Variants in EPHA8 observed in about 807,000 individuals in gnomAD.
EPHA8 encodes the protein ephrin type-A receptor 8.
A neutral mutation model predicts 103.6 loss-of-function variants in EPHA8; 58 were observed. The ratio of observed to expected loss-of-function variants is 0.56; its 90% CI spans 0.45 to 0.70. EPHA8 has a LOEUF of 0.70. EPHA8 is among the 30% of genes least tolerant of loss of function. The pLI, the probability that EPHA8 is intolerant of heterozygous loss-of-function variation, is 0.00. For missense variants in EPHA8, 1,304 were observed against 1,395.2 expected (o/e 0.93, Z 1.04); for synonymous variants, 559 against 572.5 (o/e 0.98, Z 0.34).
At chr1:22,594,657 G>A (rs1038032134) in intron 7 of EPHA8, among the ~76,000 whole-genome samples, 8 of 152,304 alleles carry the variant, frequency 5.3e-5, no homozygotes, top group South Asian at 2.1e-4. Flanking sequence ...GCTAGTGACC[G>A]CCCACCTGGC....
rs754544338 is a variant in EPHA8 at position 22,576,344 on chromosome 1, G to A, written c.287G>A (p.Arg96His). 17 of 1,613,738 alleles carry A rather than the reference G, an allele frequency of 1.1e-5. No homozygotes were observed. The highest frequency in any genetic ancestry group is 2.2e-5 in the East Asian group (1 of 44,860). Residue 96 changes from arginine (R) to histidine (H), a missense_variant, in exon 3 of 17, where the codon CGC becomes CAC. Coordinates refer to ENST00000166244, the MANE Select transcript of EPHA8 (RefSeq NM_020526.5). The surrounding 1 kb of genome is among the most constrained non-coding windows in gnomAD (Gnocchi z 4.8). ...TGGGTCCCCCGAGACGGCGCCCGGCGCGTCTATGCTGAGATCAAGTTTACC... is the reference window on the plus strand; with the variant it reads ...TGGGTCCCCCGAGACGGCGCCCGGCACGTCTATGCTGAGATCAAGTTTACC... ...TSWVPRDGAR[R>H]VYAEIKFTLR...
rs561788654 is a variant in EPHA8 at position 22,570,344 on chromosome 1, G to A, written c.159+991G>A. Reference sequence around the variant, plus strand: ...CATGCACACACGCACATGCACATGCGTGGGTACACACATGCACACACGTGT... The same window carrying A: ...CATGCACACACGCACATGCACATGCATGGGTACACACATGCACACACGTGT... On this transcript the variant is annotated intron_variant, in intron 2 of 16. Coordinates refer to ENST00000166244, the MANE Select transcript of EPHA8 (RefSeq NM_020526.5). Among the ~76,000 whole-genome samples the A allele has an allele frequency of 4.9e-5, 6 of 121,778 alleles. No individual in the cohort carries two copies. In the East Asian group the frequency reaches 8.9e-4, roughly 18 times the overall value. The allele number at this position is 121,778 out of a possible 152,430, so 79.9% of individuals were successfully genotyped here.
rs746707886 is a variant in EPHA8 at position 22,589,307 on chromosome 1, C to T, written c.1315+101C>T. 156 of 1,611,864 alleles carry T rather than the reference C, an allele frequency of 9.7e-5. No individual in the cohort carries two copies. The highest frequency in any genetic ancestry group is 8.0e-4 in the Admixed American group (48 of 59,986). On this transcript the variant is annotated intron_variant, in intron 5 of 16. Transcript: ENST00000166244. The surrounding 1 kb of genome is among the most constrained non-coding windows in gnomAD (Gnocchi z 4.3). ...GCTCTGCCGGGGACGTGCTGTGGGC[C>T]TTTAGGCAAGTGCCTCTCTGGCCCT...
At position 22,601,646 on chromosome 1, in the gene EPHA8, A is replaced by T; in HGVS notation, c.2923A>T (p.Ile975Phe). 6.3e-7 allele frequency: 1 copy of T among 1,593,802 alleles called. No individual in the cohort carries two copies. The highest frequency in any genetic ancestry group is 1.7e-5 in the Admixed American group (1 of 58,268). Residue 975 changes from isoleucine to phenylalanine, a missense_variant, in exon 17 of 17, where the codon ATC (isoleucine) becomes TTC (phenylalanine). Ile to Phe is a conservative substitution (Grantham distance 21). Transcript: ENST00000166244. ...TCACAGGGACGTGCGCGCCCTGGGCATCACCCTCATGGGCCACCAGAAGAA... is the reference window on the plus strand; with the variant it reads ...TCACAGGGACGTGCGCGCCCTGGGCTTCACCCTCATGGGCCACCAGAAGAA... ...MNAQDVRALG[I>F]TLMGHQKKIL...
intron 3 of EPHA8, among the ~76,000 whole-genome samples, chr1:22,579,920 A>AGCAG (rs1490894632): frequency 1.3e-5 from 2 of 151,612 alleles, no homozygotes; most frequent in African/African-American, 4.9e-5. Context: ...CCCATCCCCC[A>AGCAG]GCAGGCAGGC....
Position 22,569,187 on chromosome 1 carries a change from G to A in EPHA8, c.95-102G>A, listed in dbSNP as rs1440184676. The stretch of plus-strand genomic sequence containing the variant: ...GCAGAGGGACCCGTGTGAGCTGTGT[G>A]CTGGGGGCTGAGTGTGGACCAGTGT... On this transcript the variant is annotated intron_variant, in intron 1 of 16. Transcript: ENST00000166244. The surrounding 1 kb of genome is among the most constrained non-coding windows in gnomAD (Gnocchi z 4.5). 1 of 1,131,522 alleles carries A rather than the reference G, an allele frequency of 8.8e-7. No homozygotes were observed. Among genetic ancestry groups the A allele is most frequent in the Non-Finnish European group, 1.3e-6 (1 of 752,954 alleles). 70.1% of individuals were successfully genotyped at this position (1,131,522 alleles called of 1,614,324 possible).
chr1:22,576,568 C>A lies in EPHA8; in HGVS notation c.511C>A (p.Arg171Ser), dbSNP rs768851018. The change falls in exon 3 of 17, where the codon CGC becomes AGC. Residue 171 changes from arginine (R) to serine (S), a missense_variant. By Grantham distance (110) the Arg-to-Ser change is moderately radical (BLOSUM62 -1). Transcript: ENST00000166244. This position sits in a 1 kb window ranked among gnomAD's most constrained non-coding sequence, Gnocchi z 4.8. Reference sequence around the variant, plus strand: ...GCGTCTCAAGCTCAACACGGAGGTGCGCAGTGTGGGTCCCCTCAGCAAGCG... The same window carrying A: ...GCGTCTCAAGCTCAACACGGAGGTGAGCAGTGTGGGTCCCCTCAGCAAGCG... ...VRRLKLNTEVRSVGPLSKRGF... is the reference protein window; with the variant it reads ...VRRLKLNTEVSSVGPLSKRGF... The A allele has an allele frequency of 6.2e-7, 1 of 1,614,140 alleles. No individual in the cohort carries two copies. Among genetic ancestry groups the A allele is most frequent in the Non-Finnish European group, 8.5e-7 (1 of 1,180,032 alleles).
rs1272570562 is a variant in EPHA8 at position 22,593,656 on chromosome 1, C to T, written c.1573C>T (p.Gln525Ter). The part of the protein sequence containing the change: ...RTSAGCGRFS[Q>*]AMEVETGKPR... ...CTCAGCAGGCTGTGGCCGCTTCAGCCAGGCCATGGAGGTGGAGACCGGGAA... is the reference window on the plus strand; with the variant it reads ...CTCAGCAGGCTGTGGCCGCTTCAGCTAGGCCATGGAGGTGGAGACCGGGAA... Residue 525 changes from glutamine to a stop codon, truncating the protein, a stop_gained, in exon 7 of 17, where the codon CAG becomes TAG. Transcript: ENST00000166244. LOFTEE classifies it high-confidence loss of function. The T allele has an allele frequency of 6.2e-7, 1 of 1,604,072 alleles. No individual in the cohort carries two copies. Among genetic ancestry groups the T allele is most frequent in the African/African-American group, 1.3e-5 (1 of 74,764 alleles).
intron 3 of EPHA8, among the ~76,000 whole-genome samples, chr1:22,585,040 T>TGCGCGCGCGC (rs1557567804): frequency 1.7e-5 from 2 of 120,100 alleles, no homozygotes; most frequent in African/African-American, 8.9e-5. Context: ...TGTGTGTGTG[T>TGCGCGCGCGC]GTGTGTGTGT....
chr1:22,578,467 T>C (rs1640866251), intron 3 of EPHA8, among the ~76,000 whole-genome samples: 1 of 151,754 alleles, frequency 6.6e-6, no homozygotes, highest in Non-Finnish European at 1.5e-5. Context: ...TATGCATGTG[T>C]GTGCATGTGC....
intron 5 of EPHA8, among the ~76,000 whole-genome samples, chr1:22,590,794 C>T (rs1029046615): frequency 2.0e-5 from 3 of 152,128 alleles, no homozygotes; most frequent in South Asian, 2.1e-4. Context: ...CGGTCACCAG[C>T]GAAGACCTCT....
chr1:22,601,514 C>T (rs771741839), intron 16 of EPHA8, 41 bp downstream of exon 16: 4 of 1,597,986 alleles, frequency 2.5e-6, no homozygotes, highest in African/African-American at 1.4e-5. Flanking sequence ...CGTGTGGGGG[C>T]AGGGGGGGGG....
chr1:22,584,288 G>A (rs1298920452), intron 3 of EPHA8, among the ~76,000 whole-genome samples: 1 of 152,190 alleles, frequency 6.6e-6, no homozygotes, highest in Non-Finnish European at 1.5e-5. Context: ...GACTCCTCAC[G>A]ACTCCGAGCT....
chr1:22,580,926 T>G (rs1352603376), intron 3 of EPHA8, among the ~76,000 whole-genome samples: 2 of 152,112 alleles, frequency 1.3e-5, no homozygotes, highest in Non-Finnish European at 2.9e-5. Flanking sequence ...GCGCCAAACC[T>G]CCCCTCATTC....
At chr1:22,580,996 A>G (rs1434607409) in intron 3 of EPHA8, among the ~76,000 whole-genome samples, 4 of 152,250 alleles carry the variant, frequency 2.6e-5, no homozygotes, top group Non-Finnish European at 5.9e-5. Context: ...ATAATTATCC[A>G]TTCTGCTGAG....
Position 22,598,436 on chromosome 1 carries a change from T to G in EPHA8, c.2178+224T>G, listed in dbSNP as rs1641584748. On this transcript the variant is annotated intron_variant, in intron 12 of 16. Coordinates refer to ENST00000166244, the MANE Select transcript of EPHA8 (RefSeq NM_020526.5). The surrounding 1 kb of genome is among the most constrained non-coding windows in gnomAD (Gnocchi z 5.1). ...TCTGCTCCATGGGATCCTGCTGCCC[T>G]GCACACAGGCTGAGGGGGGTGCCTC... Among the ~76,000 whole-genome samples the G allele has an allele frequency of 6.6e-6, 1 of 152,190 alleles. No homozygotes were observed. Among genetic ancestry groups the G allele is most frequent in the Non-Finnish European group, 1.5e-5 (1 of 68,022 alleles).
In EPHA8 at chr1:22,602,446, A is replaced by G. The variant is rs142030185; in HGVS notation, c.*705A>G. On this transcript the variant is annotated 3_prime_UTR_variant, in exon 17 of 17. Coordinates refer to ENST00000166244, the MANE Select transcript of EPHA8 (RefSeq NM_020526.5). Reference sequence around the variant, plus strand: ...GGTCCTCCCTCTAGCCGAGGAGGCCACCTGCAGCCTCCACCCGGCTCTCAC... The same window carrying G: ...GGTCCTCCCTCTAGCCGAGGAGGCCGCCTGCAGCCTCCACCCGGCTCTCAC... The G allele has an allele frequency of 6.5e-6, 1 of 152,968 alleles. No individual in the cohort carries two copies. Among genetic ancestry groups the G allele is most frequent in the Admixed American group, 6.5e-5 (1 of 15,290 alleles). The allele number at this position is 152,968 out of a possible 1,614,324, so 9.5% of individuals were successfully genotyped here.
chr1:22,588,403 C>T (rs1278882501), intron 4 of EPHA8, among the ~76,000 whole-genome samples: 1 of 152,192 alleles, frequency 6.6e-6, no homozygotes, highest in Admixed American at 6.5e-5. Context: ...TGGGGATACA[C>T]GGTGGGCTTC....
chr1:22,573,183 C>A (rs1640590571), intron 2 of EPHA8, among the ~76,000 whole-genome samples: 1 of 152,142 alleles, frequency 6.6e-6, no homozygotes, highest in African/African-American at 2.4e-5. Context: ...TCAGGTGAGG[C>A]TGGCGCTCCC....
Sources: gnomAD v4.1 joint callset for allele counts (sites outside exome capture counted in the v4.1 genomes callset) on GRCh38, gnomAD v4.1.1 for gene constraint, Gnocchi (gnomAD v3.1) non-coding constraint, MANE v1.5 for transcripts, NCBI Gene and HGNC (gene_info 2026-07-23, HGNC 2026-07-21) for gene names.